Variants in SLC7A14 observed in about 807,000 individuals in gnomAD.
SLC7A14 encodes solute carrier family 7 member 14, also known as gamma-aminobutyric acid transporter SLC7A14.
A neutral mutation model predicts 60.2 loss-of-function variants in SLC7A14; 37 were observed. The observed-to-expected ratio is 0.61, with a 90% CI of 0.47 to 0.81. The LOEUF (loss-of-function observed/expected upper bound fraction) is 0.81. Ranked by LOEUF, SLC7A14 falls within the 30% of genes least tolerant of loss-of-function variation. SLC7A14 has a pLI of 0.00. For synonymous variants in SLC7A14, 399 were observed against 395.8 expected, an observed-to-expected ratio of 1.01 and a Z score of -0.10; for missense variants, 886 against 982.7, an observed-to-expected ratio of 0.90 and a Z score of 1.32.
At chr3:170,512,749 C>T (rs902460149) in intron 2 of SLC7A14, among the ~76,000 whole-genome samples, 3 of 143,936 alleles carry the variant, frequency 2.1e-5, no homozygotes, top group Non-Finnish European at 4.5e-5. Context: ...CTGCAAGCTC[C>T]GCCTCCCGGG....
chr3:170,477,509 ATAAG>A (rs1328689567), intron 7 of SLC7A14, among the ~76,000 whole-genome samples: 2 of 152,236 alleles, frequency 1.3e-5, no homozygotes, highest in African/African-American at 4.8e-5. Flanking sequence ...GATTACATAA[ATAAG>A]TAAGTGAAGC....
chr3:170,549,287 T>C (rs1714271199), intron 1 of SLC7A14, among the ~76,000 whole-genome samples: 1 of 148,992 alleles, frequency 6.7e-6, no homozygotes, highest in South Asian at 2.1e-4. Context: ...CGATCTTGGC[T>C]CACTGCAACC....
intron 1 of SLC7A14, among the ~76,000 whole-genome samples, chr3:170,577,859 A>G (rs1021983876): frequency 6.6e-6 from 1 of 152,222 alleles, no homozygotes; most frequent in Non-Finnish European, 1.5e-5. Context: ...ACACAGTGAA[A>G]CAGATGGGTA....
At chr3:170,565,131 G>C (rs1010907995) in intron 1 of SLC7A14, among the ~76,000 whole-genome samples, 5 of 152,134 alleles carry the variant, frequency 3.3e-5, no homozygotes, top group African/African-American at 1.2e-4. Flanking sequence ...AGAGAACCAA[G>C]TTGGCATAGG....
intron 2 of SLC7A14, chr3:170,502,687 G>A (rs1441005045): frequency 6.6e-6 from 1 of 152,220 alleles, no homozygotes; most frequent in Non-Finnish European, 1.5e-5. Flanking sequence ...TGTGAATAAA[G>A]AGAGCAGGTT....
At chr3:170,472,653 G>A (rs1739949495) in intron 7 of SLC7A14, among the ~76,000 whole-genome samples, 1 of 151,852 alleles carries the variant, frequency 6.6e-6, no homozygotes, top group Non-Finnish European at 1.5e-5. Context: ...TGTAGTCCCA[G>A]CTACTCCGGA....
At chr3:170,501,680 A>AC (rs1466196044) in intron 2 of SLC7A14, among the ~76,000 whole-genome samples, 3 of 151,832 alleles carry the variant, frequency 2.0e-5, no homozygotes, top group Non-Finnish European at 4.4e-5. Flanking sequence ...ATTCATCACG[A>AC]CCCCCACCCT....
intron 1 of SLC7A14, among the ~76,000 whole-genome samples, chr3:170,568,278 T>C (rs921679275): frequency 3.9e-5 from 6 of 152,218 alleles, no homozygotes; most frequent in African/African-American, 1.4e-4. Context: ...CCTTTCCCCA[T>C]TGCTTGTTTT....
At chr3:170,504,332 A>AT (rs1434134069) in intron 2 of SLC7A14, among the ~76,000 whole-genome samples, 1 of 151,796 alleles carries the variant, frequency 6.6e-6, no homozygotes, top group Non-Finnish European at 1.5e-5. Flanking sequence ...TTTTTTTTAA[A>AT]TTTTTTTAGA....
At chr3:170,538,985 A>G (rs963085751) in intron 1 of SLC7A14, among the ~76,000 whole-genome samples, 1 of 152,248 alleles carries the variant, frequency 6.6e-6, no homozygotes, top group Non-Finnish European at 1.5e-5. Flanking sequence ...TAGGACCCTC[A>G]ACTCAACGTG....
intron 1 of SLC7A14, among the ~76,000 whole-genome samples, chr3:170,559,213 G>A (rs1477655198): frequency 6.6e-6 from 1 of 151,950 alleles, no homozygotes; most frequent in Non-Finnish European, 1.5e-5. Context: ...TTTTTTCAGG[G>A]GACAAAATAT....
At chr3:170,584,238 C>A (rs1227586445) in intron 1 of SLC7A14, among the ~76,000 whole-genome samples, 1 of 152,134 alleles carries the variant, frequency 6.6e-6, no homozygotes, top group Non-Finnish European at 1.5e-5. Flanking sequence ...TACAGGGCTG[C>A]TTAGCGATCT....
intron 1 of SLC7A14, among the ~76,000 whole-genome samples, chr3:170,577,595 G>T (rs547139164): frequency 6.9e-6 from 1 of 144,842 alleles, no homozygotes; most frequent in Non-Finnish European, 1.5e-5. Context: ...TCCGCAGTCC[G>T]GCCTGGGCGA....
rs1323451225 is a variant in SLC7A14 at position 170,478,635 on chromosome 3, A to G, written c.1993+1654T>C. On this transcript the variant is annotated intron_variant, in intron 7 of 7. Coordinates refer to ENST00000231706, the MANE Select transcript of SLC7A14 (RefSeq NM_020949.3). ...ATCTTAACTTATAGGGCCACTTTGT[A>G]TTCTACCCCCTCCAAGTTTTTTCTG... Among the ~76,000 whole-genome samples the G allele has an allele frequency of 2.0e-5, 3 of 152,122 alleles. No individual in the cohort carries two copies. The East Asian group carries it at 5.8e-4, about 29-fold the overall frequency.
intron 2 of SLC7A14, among the ~76,000 whole-genome samples, chr3:170,524,734 C>T (rs189261473): frequency 6.6e-6 from 1 of 152,228 alleles, no homozygotes; most frequent in Admixed American, 6.5e-5. Context: ...TGCAAGTATT[C>T]CCAAAATTCA....
intron 2 of SLC7A14, among the ~76,000 whole-genome samples, chr3:170,526,088 C>T (rs575883352): frequency 2.3e-4 from 32 of 138,176 alleles, no homozygotes; most frequent in Non-Finnish European, 4.3e-4. Context: ...AAAAAAAAAA[C>T]CCAGAAAACA....
intron 1 of SLC7A14, among the ~76,000 whole-genome samples, chr3:170,529,809 A>G (rs539809071): frequency 1.3e-5 from 2 of 152,328 alleles, no homozygotes; most frequent in Non-Finnish European, 2.9e-5. Context: ...ATGTCCTTAT[A>G]AAAAGGGGAA....
chr3:170,582,519 G>T (rs548383785), intron 1 of SLC7A14, among the ~76,000 whole-genome samples: 68 of 152,278 alleles, frequency 4.5e-4, no homozygotes, highest in Middle Eastern at 3.4e-3. Context: ...GACAGTTTAA[G>T]GTTCTGGTTC....
intron 1 of SLC7A14, among the ~76,000 whole-genome samples, chr3:170,531,307 G>C (rs1469734078): frequency 6.6e-6 from 1 of 152,058 alleles, no homozygotes; most frequent in Non-Finnish European, 1.5e-5. Context: ...AATGACTATG[G>C]AGGCGGCACT....
Sources: gnomAD v4.1 joint callset for allele counts (sites outside exome capture counted in the v4.1 genomes callset) on GRCh38, gnomAD v4.1.1 for gene constraint, MANE v1.5 for transcripts, NCBI Gene and HGNC (gene_info 2026-07-23, HGNC 2026-07-21) for gene names.